The following PSAP variants were observed in gnomAD, a reference collection of about 807,000 sequenced individuals.
PSAP encodes the protein prosaposin.
A neutral mutation model predicts 66.0 loss-of-function variants in PSAP; 25 were observed. That is an observed-to-expected ratio of 0.38 (90% CI 0.28 to 0.53). PSAP has a LOEUF of 0.53. Among genes scored for constraint, PSAP ranks in the 20% least tolerant of loss-of-function variants. The pLI, the probability that PSAP is intolerant of heterozygous loss-of-function variation, is 0.83. For synonymous variants in PSAP, 273 were observed against 258.9 expected (o/e 1.05, Z -0.52); for missense variants, 649 against 668.8 (o/e 0.97, Z 0.33).
In PSAP at chr10:71,816,463, C is replaced by G; in HGVS notation, c.*978G>C. The stretch of plus-strand genomic sequence containing the variant: ...TGCCCAAGTGGGCCACAGACAGCTT[C>G]CAACCCCCACACCCCAGCATCCAAT... On this transcript the variant is annotated 3_prime_UTR_variant, in exon 14 of 14. Transcript: ENST00000394936. 2.1e-6 allele frequency: 1 copy of G among 471,300 alleles called. No homozygotes were observed. Among genetic ancestry groups the G allele is most frequent in the Non-Finnish European group, 4.4e-6 (1 of 227,060 alleles). The allele number at this position is 471,300 out of a possible 1,614,324, so 29.2% of individuals were successfully genotyped here.
Position 71,828,126 on chromosome 10 carries a change from TG to T in PSAP, c.607del (p.Gln203ArgfsTer3), listed in dbSNP as rs1489308019. The T allele has an allele frequency of 6.2e-7, 1 of 1,614,112 alleles. No individual in the cohort carries two copies. The highest frequency in any genetic ancestry group is 2.2e-5 in the East Asian group (1 of 44,902). On this transcript the variant is annotated frameshift_variant, in exon 6 of 14. Coordinates refer to ENST00000394936, the MANE Select transcript of PSAP (RefSeq NM_002778.4). LOFTEE classifies it high-confidence loss of function. ...AGCAGTCTGGATGTCAGTCACCATC[TG>T]AATGCAGTCCTGGCAAACGTCCCCA... ...DNGDVCQDCI[Q>X]MVTDIQTAVR...
At chr10:71,839,279 G>A (rs1348052523) in intron 1 of PSAP, among the ~76,000 whole-genome samples, 4 of 151,792 alleles carry the variant, frequency 2.6e-5, no homozygotes, top group Non-Finnish European at 4.4e-5. Context: ...TGCTCTTGTC[G>A]CCCAGGCTGG....
chr10:71,840,218 G>C (rs1487015074), intron 1 of PSAP, among the ~76,000 whole-genome samples: 1 of 151,928 alleles, frequency 6.6e-6, no homozygotes. Flanking sequence ...AATGCATGCA[G>C]CCTCCCAGTG....
At chr10:71,848,916 G>C (rs527421592) in intron 1 of PSAP, among the ~76,000 whole-genome samples, 1 of 152,158 alleles carries the variant, frequency 6.6e-6, no homozygotes, top group Non-Finnish European at 1.5e-5. Context: ...CCATTTACCC[G>C]AGTGTTCACG....
intron 1 of PSAP, 70 bp from the exon 2 acceptor site, chr10:71,834,575 C>CA (rs947594880): frequency 8.8e-6 from 14 of 1,582,896 alleles, no homozygotes; most frequent in Non-Finnish European, 1.2e-5. Flanking sequence ...CTTATTTCCC[C>CA]AGGGCTGAGG....
At position 71,832,648 on chromosome 10, in the gene PSAP, T is replaced by C. The variant is rs113770987; in HGVS notation, c.175-728A>G. ...GGGGGTATCAATTCCAGGACCCCCA[T>C]GGACACCCAAACCCCAGGATGCTCA... On this transcript the variant is annotated intron_variant, in intron 2 of 13. Coordinates refer to ENST00000394936, the MANE Select transcript of PSAP (RefSeq NM_002778.4). Among the ~76,000 whole-genome samples the C allele has an allele frequency of 9.0e-3, 1,363 of 152,188 alleles. 19 individuals are homozygous for C. The highest frequency in any genetic ancestry group is 0.031 in the African/African-American group (1,302 of 41,500).
At position 71,831,132 on chromosome 10, in the gene PSAP, T is replaced by C; in HGVS notation, c.369A>G (p.Gly123=). The C allele has an allele frequency of 6.2e-7, 1 of 1,614,072 alleles. No homozygotes were observed. Among genetic ancestry groups the C allele is most frequent in the Non-Finnish European group, 8.5e-7 (1 of 1,179,988 alleles). Residue 123 remains glycine (G), a synonymous_variant, in exon 4 of 14, where the codon GGA becomes GGG. Transcript: ENST00000394936. Reference sequence around the variant, plus strand: ...CCTATTCCCCATCACTTACCATTTCTCCTTTAATGATGTCCAGGATGACAG... The same window carrying C: ...CCTATTCCCCATCACTTACCATTTCCCCTTTAATGATGTCCAGGATGACAG... ...YLPVILDIIK[G]EMSRPGEVCS...
At chr10:71,840,982 C>T (rs1842723217) in intron 1 of PSAP, among the ~76,000 whole-genome samples, 1 of 152,204 alleles carries the variant, frequency 6.6e-6, no homozygotes, top group South Asian at 2.1e-4. Flanking sequence ...GCTTTTCTTC[C>T]AAAGCATCAA....
chr10:71,826,722 C>CA lies in PSAP; in HGVS notation c.721-830dup, dbSNP rs1162212183. 6.4e-5 allele frequency among the ~76,000 whole-genome samples: 9 copies of CA among 140,750 alleles called. No individual in the cohort carries two copies. In the South Asian group the frequency reaches 7.2e-4, roughly 11 times the overall value. 92.3% of individuals were successfully genotyped at this position (140,750 alleles called of 152,430 possible). A position where few individuals can be genotyped will look rare whatever the true frequency, so the allele number is the denominator to read the frequency against. ...TGCCACCGCACTCCAGCCTGGGTGA[C>CA]AGAGCTAAACCCTGTCTCAAGAAAA... On this transcript the variant is annotated intron_variant, in intron 6 of 13. Transcript: ENST00000394936.
rs182031033 is a variant in PSAP at position 71,818,912 on chromosome 10, C to T, written c.1431+119G>A. On this transcript the variant is annotated intron_variant, in intron 12 of 13. Transcript: ENST00000394936. Reference sequence around the variant, plus strand: ...GCTGGCTCCCTACCTTCTTGGCTCTCCCGCAGCAGAACCCAGAGACTCCAC... The same window carrying T: ...GCTGGCTCCCTACCTTCTTGGCTCTTCCGCAGCAGAACCCAGAGACTCCAC... 46 of 1,119,936 alleles carry T rather than the reference C, an allele frequency of 4.1e-5. No individual in the cohort carries two copies. In the African/African-American group the frequency reaches 6.1e-4, roughly 15 times the overall value. 69.4% of individuals were successfully genotyped at this position (1,119,936 alleles called of 1,614,324 possible). A position where few individuals can be genotyped will look rare whatever the true frequency, so the allele number is the denominator to read the frequency against.
At chr10:71,820,122 C>T in intron 9 of PSAP, 118 bp downstream of exon 9, 1 of 1,028,808 alleles carries the variant, frequency 9.7e-7, no homozygotes, top group Non-Finnish European at 1.5e-6. Context: ...GAGATGGGGA[C>T]ATGGCTGTAC....
chr10:71,822,151 G>A (rs539130206), intron 7 of PSAP, 144 bp from the exon 8 acceptor site: 79 of 1,102,300 alleles, frequency 7.2e-5, no homozygotes, highest in Non-Finnish European at 1.0e-4. Flanking sequence ...CAACGGGGCA[G>A]ATTCCAGTTT....
At chr10:71,833,161 C>T (rs958861865) in intron 2 of PSAP, among the ~76,000 whole-genome samples, 5 of 151,978 alleles carry the variant, frequency 3.3e-5, no homozygotes, top group Non-Finnish European at 7.4e-5. Flanking sequence ...AAATTAGAAA[C>T]CAAATCTGAA....
chr10:71,851,049 G>A (rs1842918814), intron 1 of PSAP, 133 bp downstream of exon 1: 2 of 1,062,238 alleles, frequency 1.9e-6, no homozygotes, highest in Admixed American at 4.0e-5. Context: ...CAGCGAACGC[G>A]CCTGCGCAGT....
intron 1 of PSAP, among the ~76,000 whole-genome samples, chr10:71,835,841 AAAAC>A (rs202201399): frequency 6.7e-4 from 5 of 7,506 alleles, no homozygotes; most frequent in African/African-American, 1.4e-3. Flanking sequence ...AAAAAAAAAC[AAAAC>A]ACAATCACCT....
chr10:71,819,306 G>T, intron 11 of PSAP, 159 bp downstream of exon 11: 1 of 1,182,650 alleles, frequency 8.5e-7, no homozygotes, highest in Non-Finnish European at 1.2e-6. Context: ...TTCCCCCAGT[G>T]GCTCATCTTA....
At chr10:71,842,110 C>T (rs1293270272) in intron 1 of PSAP, among the ~76,000 whole-genome samples, 4 of 152,070 alleles carry the variant, frequency 2.6e-5, no homozygotes, top group South Asian at 2.1e-4. Context: ...TGGTCCAAAA[C>T]GCCGAGCATC....
Position 71,817,432 on chromosome 10 carries a change from TTCC to T in PSAP, c.*6_*8del. 3 of 1,614,030 alleles carry T rather than the reference TTCC, an allele frequency of 1.9e-6. No homozygotes were observed. The highest frequency in any genetic ancestry group is 2.5e-6 in the Non-Finnish European group (3 of 1,179,864). On this transcript the variant is annotated 3_prime_UTR_variant, in exon 14 of 14. Transcript: ENST00000394936. ...CTGTGGTTTCTGCCAAGATGGAATA[TTCC>T]TCCTCCTAGTTCCACACATGGCGTT...
chr10:71,843,933 G>C (rs924276876), intron 1 of PSAP, among the ~76,000 whole-genome samples: 3 of 152,160 alleles, frequency 2.0e-5, no homozygotes, highest in African/African-American at 7.2e-5. Flanking sequence ...AGGGTATACA[G>C]GAACTCAGTA....
Sources: allele counts gnomAD v4.1 joint callset (sites outside exome capture counted in the v4.1 genomes callset), GRCh38; gene constraint gnomAD v4.1.1; transcripts MANE v1.5; gene names NCBI Gene and HGNC (gene_info 2026-07-23, HGNC 2026-07-21).